The following MAP2K6 variants were observed in gnomAD, a reference collection of about 807,000 sequenced individuals.
MAP2K6 encodes the protein mitogen-activated protein kinase kinase 6.
MAP2K6 carries 16 observed loss-of-function variants against 53.7 expected under a neutral mutation model. The ratio of observed to expected loss-of-function variants is 0.30; its 90% CI spans 0.20 to 0.45. The LOEUF (loss-of-function observed/expected upper bound fraction) is 0.45, where lower values mean the gene tolerates loss of function less well. Ranked by LOEUF, MAP2K6 falls within the 20% of genes least tolerant of loss-of-function variation. The pLI, the probability that MAP2K6 is intolerant of heterozygous loss-of-function variation, is 1.00. For synonymous variants in MAP2K6, 132 were observed against 143.1 expected (o/e 0.92, Z 0.55); for missense variants, 204 against 411.9 (o/e 0.50, Z 4.37).
intron 1 of MAP2K6, among the ~76,000 whole-genome samples, chr17:69,439,435 G>A (rs1363732515): frequency 1.3e-5 from 2 of 152,114 alleles, no homozygotes; most frequent in African/African-American, 2.4e-5. Context: ...TTTATTAGAT[G>A]CCTGAGATTT....
At chr17:69,466,840 A>G (rs6501328) in intron 1 of MAP2K6, among the ~76,000 whole-genome samples, 40,234 of 152,076 alleles carry the variant, frequency 0.26, 5,700 homozygotes, top group African/African-American at 0.34. Context: ...CACTTATGTT[A>G]TCAGTTAAAT....
intron 10 of MAP2K6, among the ~76,000 whole-genome samples, chr17:69,529,724 A>G (rs560027293): frequency 6.7e-4 from 102 of 152,020 alleles, no homozygotes; most frequent in African/African-American, 2.3e-3. Context: ...GTTAACCAGG[A>G]TGGTCTCGAT....
intron 1 of MAP2K6, among the ~76,000 whole-genome samples, chr17:69,458,668 T>G (rs1907508959): frequency 6.6e-6 from 1 of 152,228 alleles, no homozygotes; most frequent in South Asian, 2.1e-4. Context: ...TCTACCTGGC[T>G]TTCATTCCCA....
intron 1 of MAP2K6, among the ~76,000 whole-genome samples, chr17:69,486,879 G>A (rs1043452399): frequency 3.3e-5 from 5 of 152,166 alleles, no homozygotes; most frequent in African/African-American, 4.8e-5. Flanking sequence ...CCAGAGCACC[G>A]TTTAGTGAGA....
chr17:69,466,971 G>A (rs1394835341), intron 1 of MAP2K6, among the ~76,000 whole-genome samples: 1 of 152,142 alleles, frequency 6.6e-6, no homozygotes, highest in Non-Finnish European at 1.5e-5. Context: ...TGTTTATTAT[G>A]GTGGTTCTAC....
intron 1 of MAP2K6, among the ~76,000 whole-genome samples, chr17:69,478,318 A>G (rs1285256941): frequency 6.6e-6 from 1 of 152,102 alleles, no homozygotes; most frequent in African/African-American, 2.4e-5. Flanking sequence ...ACCATTGCAT[A>G]TGTGTCCTTC....
At chr17:69,435,110 A>G (rs1400304401) in intron 1 of MAP2K6, 2 of 152,208 alleles carry the variant, frequency 1.3e-5, no homozygotes, top group Non-Finnish European at 2.9e-5. Context: ...GACTTAAACC[A>G]TATTCTAATA....
intron 2 of MAP2K6, among the ~76,000 whole-genome samples, chr17:69,508,742 T>C (rs1199785348): frequency 1.3e-5 from 2 of 152,262 alleles, no homozygotes; most frequent in East Asian, 3.8e-4. Flanking sequence ...TTTGTAGTTT[T>C]GCATTTTGCA....
At chr17:69,460,567 G>A (rs975307423) in intron 1 of MAP2K6, among the ~76,000 whole-genome samples, 1 of 152,166 alleles carries the variant, frequency 6.6e-6, no homozygotes, top group Non-Finnish European at 1.5e-5. Context: ...GAAAACCAGT[G>A]CAAAAGTCTA....
chr17:69,455,035 A>AT (rs34777682), intron 1 of MAP2K6, among the ~76,000 whole-genome samples: 26 of 130,238 alleles, frequency 2.0e-4, no homozygotes, highest in East Asian at 1.3e-3. Flanking sequence ...TACTATTATT[A>AT]TTTTTTTTTT....
intron 1 of MAP2K6, among the ~76,000 whole-genome samples, chr17:69,440,482 C>A (rs958805889): frequency 1.3e-5 from 2 of 152,180 alleles, no homozygotes. Context: ...CAATACCACC[C>A]ATTCTGTTCT....
At chr17:69,444,409 A>G (rs1906909353) in intron 1 of MAP2K6, among the ~76,000 whole-genome samples, 1 of 152,236 alleles carries the variant, frequency 6.6e-6, no homozygotes, top group African/African-American at 2.4e-5. Context: ...GGCAAGAAAA[A>G]GAATCCATCA....
chr17:69,429,385 G>C (rs1378818682), intron 1 of MAP2K6, among the ~76,000 whole-genome samples: 1 of 151,832 alleles, frequency 6.6e-6, no homozygotes, highest in African/African-American at 2.4e-5. Context: ...AGGAGTTCAA[G>C]TTTGCAGTGA....
At chr17:69,517,971 A>G (rs1318218077) in intron 4 of MAP2K6, among the ~76,000 whole-genome samples, 2 of 152,152 alleles carry the variant, frequency 1.3e-5, no homozygotes, top group Non-Finnish European at 2.9e-5. Flanking sequence ...CGGGTGGATC[A>G]CGAGGTCAGG....
At chr17:69,455,468 C>T (rs1907372500) in intron 1 of MAP2K6, among the ~76,000 whole-genome samples, 1 of 152,092 alleles carries the variant, frequency 6.6e-6, no homozygotes, top group Non-Finnish European at 1.5e-5. Context: ...GTATTTCTCC[C>T]CTGAGTCTCA....
At chr17:69,451,397 A>G (rs1907221224) in intron 1 of MAP2K6, among the ~76,000 whole-genome samples, 1 of 152,238 alleles carries the variant, frequency 6.6e-6, no homozygotes, top group South Asian at 2.1e-4. Context: ...TGACCCCTTG[A>G]TGCGACTCTA....
At chr17:69,535,036 TG>T (rs1464088125) in intron 10 of MAP2K6, among the ~76,000 whole-genome samples, 1 of 151,688 alleles carries the variant, frequency 6.6e-6, no homozygotes, top group Non-Finnish European at 1.5e-5. Flanking sequence ...GGGCTGAGAA[TG>T]GGGTGATGGG....
At chr17:69,444,880 A>C (rs540143857) in intron 1 of MAP2K6, among the ~76,000 whole-genome samples, 1 of 152,336 alleles carries the variant, frequency 6.6e-6, no homozygotes, top group South Asian at 2.1e-4. Flanking sequence ...ACTTTCATTT[A>C]CTGGAGACTT....
intron 1 of MAP2K6, among the ~76,000 whole-genome samples, chr17:69,442,548 G>A (rs991709030): frequency 2.6e-5 from 4 of 152,160 alleles, no homozygotes; most frequent in African/African-American, 9.7e-5. Flanking sequence ...TCATAAGCCT[G>A]TGGACATTAA....
Sources: gnomAD v4.1 joint callset for allele counts (sites outside exome capture counted in the v4.1 genomes callset) on GRCh38, gnomAD v4.1.1 for gene constraint, MANE v1.5 for transcripts, NCBI Gene and HGNC (gene_info 2026-07-23, HGNC 2026-07-21) for gene names.